Variants in EML4 observed in about 807,000 individuals in gnomAD.
The protein encoded by EML4 is echinoderm microtubule-associated protein-like 4.
Under a neutral mutation model 129.0 loss-of-function variants are expected in EML4, and 72 were observed. The ratio of observed to expected loss-of-function variants is 0.56; its 90% CI spans 0.46 to 0.68. The LOEUF is 0.68. EML4 is among the 30% of genes least tolerant of loss of function. EML4 has a pLI of 0.00. For missense variants in EML4, 1,363 were observed against 1,190.6 expected (o/e 1.14, Z -2.13); for synonymous variants, 532 against 405.0 (o/e 1.31, Z -3.77).
At chr2:42,287,240 T>A (rs564093477) in intron 10 of EML4, among the ~76,000 whole-genome samples, 1 of 152,238 alleles carries the variant, frequency 6.6e-6, no homozygotes, top group South Asian at 2.1e-4. Context: ...TTTGCTAGCT[T>A]GAAGGCACTG....
intron 4 of EML4, among the ~76,000 whole-genome samples, chr2:42,262,298 A>G (rs770259170): frequency 6.6e-6 from 1 of 152,164 alleles, no homozygotes; most frequent in East Asian, 1.9e-4. Context: ...TCTCATGCAG[A>G]TTCTTACCCA....
intron 1 of EML4, among the ~76,000 whole-genome samples, chr2:42,177,574 G>C (rs1186678359): frequency 1.3e-5 from 2 of 152,168 alleles, no homozygotes; most frequent in Admixed American, 6.5e-5. Context: ...AGTGAGCGCA[G>C]ATCACACTAC....
chr2:42,228,677 T>C (rs1312520068), intron 1 of EML4, among the ~76,000 whole-genome samples: 1 of 152,196 alleles, frequency 6.6e-6, no homozygotes, highest in Non-Finnish European at 1.5e-5. Flanking sequence ...TTTCATTCTT[T>C]TCTCTCCTGG....
intron 1 of EML4, among the ~76,000 whole-genome samples, chr2:42,214,148 C>T (rs977293242): frequency 1.3e-5 from 2 of 152,120 alleles, no homozygotes; most frequent in African/African-American, 4.8e-5. Context: ...TTAACTCTTT[C>T]TTAAGACAAC....
intron 1 of EML4, among the ~76,000 whole-genome samples, chr2:42,173,932 G>A (rs964796725): frequency 6.6e-6 from 1 of 152,224 alleles, no homozygotes; most frequent in South Asian, 2.1e-4. Context: ...AAGGGAGGAA[G>A]CACCATTTAG....
At chr2:42,186,892 T>A (rs950957444) in intron 1 of EML4, among the ~76,000 whole-genome samples, 6 of 152,208 alleles carry the variant, frequency 3.9e-5, no homozygotes, top group Non-Finnish European at 7.3e-5. Flanking sequence ...TATTCACTAC[T>A]ACAATGAAGA....
intron 6 of EML4, among the ~76,000 whole-genome samples, chr2:42,272,280 C>T (rs1346006567): frequency 6.6e-6 from 1 of 152,116 alleles, no homozygotes; most frequent in Admixed American, 6.6e-5. Context: ...TCCTGTGCCA[C>T]GTCCCTGAAC....
intron 3 of EML4, among the ~76,000 whole-genome samples, chr2:42,260,122 C>T (rs895778104): frequency 6.6e-6 from 1 of 151,678 alleles, no homozygotes; most frequent in East Asian, 1.9e-4. Context: ...GCCTTGGCCT[C>T]GCAAAGTACT....
rs183433448 is a variant in EML4 at position 42,225,517 on chromosome 2, C to G, written c.26-19988C>G. ...AAGTATATTTTCACATTTAGTAAGT[C>G]TTGCTGAATTATTCTCCAGAAGAGT... On this transcript the variant is annotated intron_variant, in intron 1 of 22. Transcript: ENST00000318522. Among the ~76,000 whole-genome samples, 93 of 152,242 alleles carry G rather than the reference C, an allele frequency of 6.1e-4. 1 individual carries two copies. The highest frequency in any genetic ancestry group is 2.1e-3 in the African/African-American group (86 of 41,530).
chr2:42,283,308 G>A (rs1257149909), intron 8 of EML4, among the ~76,000 whole-genome samples: 2 of 152,006 alleles, frequency 1.3e-5, no homozygotes, highest in African/African-American at 4.8e-5. Flanking sequence ...GTGATTATTG[G>A]TTACTCGATA....
intron 6 of EML4, among the ~76,000 whole-genome samples, chr2:42,265,607 A>G (rs1266145837): frequency 6.6e-6 from 1 of 152,204 alleles, no homozygotes; most frequent in East Asian, 1.9e-4. Context: ...CAGTAAAAAT[A>G]CAGTATTACA....
intron 18 of EML4, among the ~76,000 whole-genome samples, 185 bp downstream of exon 18, chr2:42,316,235 T>C (rs976757429): frequency 6.6e-6 from 1 of 152,256 alleles, no homozygotes; most frequent in Non-Finnish European, 1.5e-5. Flanking sequence ...TGCTGAAGTT[T>C]AAACAACATT....
intron 1 of EML4, among the ~76,000 whole-genome samples, chr2:42,190,138 A>C (rs1399564593): frequency 6.6e-6 from 1 of 152,228 alleles, no homozygotes; most frequent in Non-Finnish European, 1.5e-5. Flanking sequence ...TTAAGAATTA[A>C]AGATGTTCTT....
chr2:42,173,134 A>G (rs1432289999), intron 1 of EML4, among the ~76,000 whole-genome samples: 4 of 152,336 alleles, frequency 2.6e-5, no homozygotes, highest in African/African-American at 9.6e-5. Context: ...CAACTTATGG[A>G]CTATTCAGAA....
rs1377034174 is a variant in EML4, at chr2:42,286,286, C to T, written c.1029C>T (p.Val343=). 1 of 1,612,298 alleles carries T rather than the reference C, an allele frequency of 6.2e-7. No homozygotes were observed. Among genetic ancestry groups the T allele is most frequent in the Admixed American group, 1.7e-5 (1 of 60,012 alleles). Residue 343 remains valine (V), a synonymous_variant, in exon 10 of 23, where the codon GTC becomes GTT. Coordinates refer to ENST00000318522, the MANE Select transcript of EML4 (RefSeq NM_019063.5). The part of the protein sequence containing the change: ...DKDGRPLQPH[V]RVWDSVTLST... ...TTTTGCAGCCTCTACAACCCCACGT[C>T]AGAGTGTGGGATTCTGTTACTCTAT...
At chr2:42,175,411 C>T (rs1384267085) in intron 1 of EML4, among the ~76,000 whole-genome samples, 1 of 152,134 alleles carries the variant, frequency 6.6e-6, no homozygotes, top group Admixed American at 6.5e-5. Context: ...CCGCACCTGG[C>T]CAAGAGTGTG....
intron 1 of EML4, among the ~76,000 whole-genome samples, chr2:42,196,426 A>G (rs977026503): frequency 1.3e-5 from 2 of 152,190 alleles, no homozygotes; most frequent in African/African-American, 2.4e-5. Flanking sequence ...TGGACACAGC[A>G]TCTGTTTCTA....
intron 6 of EML4, 56 bp from the exon 7 acceptor site, chr2:42,280,794 T>C: frequency 7.2e-7 from 1 of 1,395,496 alleles, no homozygotes. Flanking sequence ...TAATCCACTT[T>C]TGTATGACTA....
rs546518805 is a variant in EML4 at position 42,263,785 on chromosome 2, A to G, written c.641+479A>G. Among the ~76,000 whole-genome samples the G allele has an allele frequency of 2.3e-4, 35 of 151,038 alleles. No individual in the cohort carries two copies. The East Asian group carries it at 6.3e-3, about 27-fold the overall frequency. ...TCACTCTGTTGCCAGGCTGGAGTGC[A>G]GTGGCACAATCTTGGCTCACTGCAA... is the stretch of plus-strand genomic sequence containing the variant. On this transcript the variant is annotated intron_variant, in intron 5 of 22. Transcript: ENST00000318522.
Sources: allele counts gnomAD v4.1 joint callset (sites outside exome capture counted in the v4.1 genomes callset), GRCh38; gene constraint gnomAD v4.1.1; transcripts MANE v1.5; gene names NCBI Gene and HGNC (gene_info 2026-07-23, HGNC 2026-07-21).